The following DGKD variants were observed in gnomAD, a reference collection of about 807,000 sequenced individuals.
DGKD encodes diacylglycerol kinase delta, also known as DAG kinase delta.
A neutral mutation model predicts 154.4 loss-of-function variants in DGKD; 68 were observed. The ratio of observed to expected loss-of-function variants is 0.44; its 90% CI spans 0.36 to 0.54. The LOEUF is 0.54. DGKD is among the 20% of genes least tolerant of loss of function. The pLI is 0.00. For synonymous variants in DGKD, 693 were observed against 638.0 expected (o/e 1.09, Z -1.30); for missense variants, 1,343 against 1,593.6 (o/e 0.84, Z 2.68).
intron 24 of DGKD, among the ~76,000 whole-genome samples, chr2:233,460,699 G>T (rs977689795): frequency 6.6e-6 from 1 of 152,134 alleles, no homozygotes; most frequent in African/African-American, 2.4e-5. Context: ...GACCATTCTG[G>T]CTAACATGGT....
intron 1 of DGKD, among the ~76,000 whole-genome samples, chr2:233,366,237 A>G (rs1468274129): frequency 6.6e-6 from 1 of 152,234 alleles, no homozygotes; most frequent in Non-Finnish European, 1.5e-5. Flanking sequence ...AGGAAGGACC[A>G]TGACCTAATT....
intron 1 of DGKD, among the ~76,000 whole-genome samples, chr2:233,355,471 C>T (rs1279853283): frequency 2.6e-5 from 4 of 152,204 alleles, no homozygotes; most frequent in Admixed American, 1.3e-4. Context: ...CAGGTGGCTG[C>T]GAGCAGGCTG....
intron 1 of DGKD, among the ~76,000 whole-genome samples, chr2:233,358,768 G>C (rs571618893): frequency 6.6e-6 from 1 of 152,278 alleles, no homozygotes; most frequent in African/African-American, 2.4e-5. Flanking sequence ...CCATTCTACA[G>C]GCACACTGTA....
At chr2:233,436,848 G>A (rs548386539) in intron 7 of DGKD, among the ~76,000 whole-genome samples, 1 of 152,330 alleles carries the variant, frequency 6.6e-6, no homozygotes, top group Admixed American at 6.5e-5. Flanking sequence ...TGGAAGGGGT[G>A]CAGCCCAGTG....
chr2:233,365,263 C>T (rs894158384), intron 1 of DGKD, among the ~76,000 whole-genome samples: 11 of 151,488 alleles, frequency 7.3e-5, no homozygotes, highest in African/African-American at 2.4e-4. Flanking sequence ...CGGAGTTTCG[C>T]TCTGTTGCCC....
Position 233,434,902 on chromosome 2 carries a change from G to T in DGKD, c.586+1G>T. On this transcript the variant is annotated splice_donor_variant, in intron 5 of 29. Coordinates refer to ENST00000264057, the MANE Select transcript of DGKD (RefSeq NM_152879.3). LOFTEE classifies it high-confidence loss of function. ...ACGTCGCACGGGCTGTCCTGCGAGG[G>T]TACGGATGTGCGTTTGTTATTCTGT... 1.2e-6 allele frequency: 2 copies of T among 1,608,570 alleles called. No homozygotes were observed. The highest frequency in any genetic ancestry group is 1.7e-6 in the Non-Finnish European group (2 of 1,177,806).
At position 233,434,411 on chromosome 2, in the gene DGKD, G is replaced by A; in HGVS notation, c.380G>A (p.Cys127Tyr). 2 of 1,614,166 alleles carry A rather than the reference G, an allele frequency of 1.2e-6. No homozygotes were observed. The highest frequency in any genetic ancestry group is 1.7e-6 in the Non-Finnish European group (2 of 1,179,998). Reference protein sequence around the residue: ...VITPCRKLILCADNRKEMEDW... With the variant: ...VITPCRKLILYADNRKEMEDW... Reference sequence around the variant, plus strand: ...ACTCCATGCAGGAAGCTCATCTTGTGTGCTGATAACAGAAAAGAAATGGAA... The same window carrying A: ...ACTCCATGCAGGAAGCTCATCTTGTATGCTGATAACAGAAAAGAAATGGAA... The change falls in exon 4 of 30, where the codon TGT becomes TAT. Residue 127 changes from cysteine (C) to tyrosine (Y), a missense_variant. Cys to Tyr is a radical substitution (Grantham distance 194). This residue lies in a region of DGKD where 332 missense variants were observed against 400.1 expected (regional missense o/e 0.83). Transcript: ENST00000264057.
intron 1 of DGKD, among the ~76,000 whole-genome samples, chr2:233,372,860 T>C (rs936379884): frequency 6.6e-6 from 1 of 152,206 alleles, no homozygotes; most frequent in Non-Finnish European, 1.5e-5. Flanking sequence ...ACACTGGGAC[T>C]CTATCCTGAG....
intron 1 of DGKD, among the ~76,000 whole-genome samples, chr2:233,371,126 G>A (rs1574989373): frequency 1.3e-5 from 2 of 152,192 alleles, no homozygotes; most frequent in South Asian, 2.1e-4. Context: ...TCTTATTGAG[G>A]AGCTGCTAAA....
At chr2:233,424,794 A>C (rs1390825211) in intron 3 of DGKD, among the ~76,000 whole-genome samples, 1 of 152,216 alleles carries the variant, frequency 6.6e-6, no homozygotes, top group Non-Finnish European at 1.5e-5. Context: ...CCTGGAAAAC[A>C]CGCGGTGGAT....
Position 233,450,135 on chromosome 2 carries a change from C to A in DGKD, c.2038+4C>A, listed in dbSNP as rs1353056135. On this transcript the variant is annotated splice_donor_region_variant and intron_variant, in intron 16 of 29. Transcript: ENST00000264057. ...AAGGGGAGGAGCCAGCGCAAAGGTA[C>A]TTGTGCCTCCACCTCCCTCTGCGCA... 2 of 1,604,692 alleles carry A rather than the reference C, an allele frequency of 1.2e-6. No homozygotes were observed. Among genetic ancestry groups the A allele is most frequent in the East Asian group, 2.2e-5 (1 of 44,636 alleles).
Position 233,469,520 on chromosome 2 carries a change from T to A in DGKD, c.*60T>A. On this transcript the variant is annotated 3_prime_UTR_variant, in exon 30 of 30. Transcript: ENST00000264057. ...CGCCGCCGAGGCCTAGCCTCCGCCCTCTCAGCCTGTGGCCTCTGCGCCTCC... is the reference window on the plus strand; with the variant it reads ...CGCCGCCGAGGCCTAGCCTCCGCCCACTCAGCCTGTGGCCTCTGCGCCTCC... 6.9e-7 allele frequency: 1 copy of A among 1,459,348 alleles called. No individual in the cohort carries two copies. Among genetic ancestry groups the A allele is most frequent in the South Asian group, 1.2e-5 (1 of 81,702 alleles). 90.4% of individuals were successfully genotyped at this position (1,459,348 alleles called of 1,614,324 possible).
intron 3 of DGKD, among the ~76,000 whole-genome samples, chr2:233,395,104 G>A (rs1471790380): frequency 6.6e-6 from 1 of 152,134 alleles, no homozygotes; most frequent in Non-Finnish European, 1.5e-5. Context: ...TCTGCTGTCA[G>A]GATTCTTGCA....
In DGKD at chr2:233,417,513, T is replaced by C. The variant is rs1038032869; in HGVS notation, c.349-16867T>C. 1.8e-4 allele frequency among the ~76,000 whole-genome samples: 28 copies of C among 152,216 alleles called. 1 individual carries two copies. Among genetic ancestry groups the C allele is most frequent in the Admixed American group, 1.8e-3 (28 of 15,276 alleles). On this transcript the variant is annotated intron_variant, in intron 3 of 29. Transcript: ENST00000264057. ...ATTCCCATGGGACTTCTTTTTACTT[T>C]TATTGTGCCCTTTTGTAGAGTATGA...
intron 3 of DGKD, among the ~76,000 whole-genome samples, chr2:233,408,045 T>G (rs973353973): frequency 7.6e-6 from 1 of 130,972 alleles, no homozygotes; most frequent in Non-Finnish European, 1.6e-5. Flanking sequence ...GGAAAAACTG[T>G]TTTTTTTTTT....
At position 233,448,095 on chromosome 2, in the gene DGKD, G is replaced by A; in HGVS notation, c.1428G>A (p.Gln476=). The A allele has an allele frequency of 6.2e-7, 1 of 1,614,098 alleles. No homozygotes were observed. Among genetic ancestry groups the A allele is most frequent in the Middle Eastern group, 1.7e-4 (1 of 6,060 alleles). The part of the protein sequence containing the change: ...EDFSEDSEVQ[Q]ILFYEDSVAA... ...ATTTGGGGTGATTGCAGGTACAGCAGATTCTCTTCTATGAAGACTCGGTTG... is the reference window on the plus strand; with the variant it reads ...ATTTGGGGTGATTGCAGGTACAGCAAATTCTCTTCTATGAAGACTCGGTTG... The change falls in exon 13 of 30, where the codon CAG becomes CAA. Residue 476 remains glutamine, a synonymous_variant. Transcript: ENST00000264057.
chr2:233,469,278 C>T (rs888053710), intron 29 of DGKD, 93 bp from the exon 30 acceptor site: 33 of 1,103,754 alleles, frequency 3.0e-5, no homozygotes, highest in South Asian at 1.6e-4. Context: ...GTTCACAAGC[C>T]GAATGGGAAG....
chr2:233,413,731 G>A (rs779352830), intron 3 of DGKD, among the ~76,000 whole-genome samples: 1 of 152,230 alleles, frequency 6.6e-6, no homozygotes, highest in Non-Finnish European at 1.5e-5. Context: ...GGCTGAGTCA[G>A]GCTGGCAGGC....
chr2:233,359,228 T>G (rs76126499), intron 1 of DGKD, among the ~76,000 whole-genome samples: 1,556 of 152,350 alleles, frequency 0.01, 13 homozygotes, highest in Non-Finnish European at 0.016. Context: ...TAAACCTCCC[T>G]TAAGACGTGG....
Sources: gnomAD v4.1 joint callset for allele counts (sites outside exome capture counted in the v4.1 genomes callset) on GRCh38, gnomAD v4.1.1 for gene constraint, gnomAD v4.1.1 regional missense constraint, MANE v1.5 for transcripts, NCBI Gene and HGNC (gene_info 2026-07-23, HGNC 2026-07-21) for gene names.